Variants in CHRM3 observed in about 807,000 individuals in gnomAD.
CHRM3 encodes the protein muscarinic acetylcholine receptor M3.
In CHRM3, 11 loss-of-function variants were observed where a neutral mutation model predicts 41.8. That is an observed-to-expected ratio of 0.26 (90% CI 0.17 to 0.44). CHRM3 has a LOEUF of 0.44. CHRM3 is among the 20% of genes least tolerant of loss of function. The pLI, the probability that CHRM3 is intolerant of heterozygous loss-of-function variation, is 1.00. For missense variants in CHRM3, 571 were observed against 745.4 expected (o/e 0.77, Z 2.72); for synonymous variants, 297 against 301.4 (o/e 0.99, Z 0.15).
chr1:239,774,863 G>A (rs1439343937), intron 5 of CHRM3, among the ~76,000 whole-genome samples: 2 of 152,186 alleles, frequency 1.3e-5, no homozygotes, highest in African/African-American at 2.4e-5. Context: ...ACTCTGGAAT[G>A]TAGAGAGGGA....
intron 1 of CHRM3, among the ~76,000 whole-genome samples, chr1:239,443,559 G>A (rs537400535): frequency 5.9e-5 from 9 of 152,254 alleles, no homozygotes; most frequent in East Asian, 1.9e-4. Context: ...AGATTTTTCC[G>A]GCTGTTTAAG....
chr1:239,602,033 C>G (rs1007179462), intron 3 of CHRM3, among the ~76,000 whole-genome samples: 7 of 148,894 alleles, frequency 4.7e-5, no homozygotes, highest in Non-Finnish European at 7.5e-5. Flanking sequence ...TCTATATATA[C>G]ACATATATAC....
intron 1 of CHRM3, among the ~76,000 whole-genome samples, chr1:239,424,559 G>A (rs570010781): frequency 2.0e-5 from 3 of 152,180 alleles, no homozygotes; most frequent in Non-Finnish European, 2.9e-5. Context: ...AAACTAGTGG[G>A]AGAAATCAAC....
At chr1:239,672,450 A>G (rs927964997) in intron 4 of CHRM3, among the ~76,000 whole-genome samples, 5 of 152,184 alleles carry the variant, frequency 3.3e-5, no homozygotes, top group African/African-American at 1.2e-4. Flanking sequence ...TGCAAGTGAT[A>G]AACCTCACTG....
chr1:239,476,202 A>G (rs1011960062), intron 1 of CHRM3, among the ~76,000 whole-genome samples: 2 of 152,180 alleles, frequency 1.3e-5, no homozygotes, highest in Non-Finnish European at 2.9e-5. Context: ...ACGGTGGCTC[A>G]TGCCTGTAAT....
intron 2 of CHRM3, among the ~76,000 whole-genome samples, chr1:239,528,517 G>A (rs754801270): frequency 6.6e-5 from 10 of 152,292 alleles, no homozygotes; most frequent in East Asian, 3.9e-4. Flanking sequence ...ACTGAACAGC[G>A]TACCTGGTAA....
chr1:239,750,790 G>C (rs1440142379), intron 5 of CHRM3, among the ~76,000 whole-genome samples: 1 of 152,132 alleles, frequency 6.6e-6, no homozygotes, highest in East Asian at 1.9e-4. Context: ...TAGCATCATA[G>C]TCTCTATGTT....
intron 5 of CHRM3, among the ~76,000 whole-genome samples, chr1:239,715,503 A>G (rs1309471565): frequency 6.6e-6 from 1 of 152,146 alleles, no homozygotes; most frequent in Non-Finnish European, 1.5e-5. Flanking sequence ...TGCAGAAGGC[A>G]TTCAGAATAC....
chr1:239,640,898 C>T (rs1558409274), intron 4 of CHRM3, among the ~76,000 whole-genome samples: 1 of 148,690 alleles, frequency 6.7e-6, no homozygotes, highest in South Asian at 2.2e-4. Flanking sequence ...CTCTTGTGGG[C>T]ATTTAGTGCT....
rs926763494 is a variant in CHRM3 at position 239,699,130 on chromosome 1, A to C, written c.-147+20842A>C. 3.9e-5 allele frequency among the ~76,000 whole-genome samples: 6 copies of C among 151,966 alleles called. No individual in the cohort carries two copies. The East Asian group carries it at 1.2e-3, about 30-fold the overall frequency. On this transcript the variant is annotated intron_variant, in intron 5 of 6. Transcript: ENST00000676153. Reference sequence around the variant, plus strand: ...CTCACCATGATTTTAATAATATTGCATGTGTTGTTTCTGTATTCTTATTTC... The same window carrying C: ...CTCACCATGATTTTAATAATATTGCCTGTGTTGTTTCTGTATTCTTATTTC...
At position 239,816,907 on chromosome 1, in the gene CHRM3, A is replaced by G. The variant is rs141702725; in HGVS notation, c.-146-10345A>G. On this transcript the variant is annotated intron_variant, in intron 5 of 6. Coordinates refer to ENST00000676153, the MANE Select transcript of CHRM3 (RefSeq NM_001375978.1). Reference sequence around the variant, plus strand: ...CATTATGCCCAGCTAATTTTTTTATATTTTTAGTAGAGACAGGGTTTCACC... The same window carrying G: ...CATTATGCCCAGCTAATTTTTTTATGTTTTTAGTAGAGACAGGGTTTCACC... Among the ~76,000 whole-genome samples the G allele has an allele frequency of 6.8e-3, 1,035 of 151,696 alleles. 45 individuals are homozygous for G. In the East Asian group the frequency reaches 0.11, roughly 16 times the overall value.
At chr1:239,426,952 C>T (rs1039691598) in intron 1 of CHRM3, among the ~76,000 whole-genome samples, 3 of 151,736 alleles carry the variant, frequency 2.0e-5, no homozygotes, top group Non-Finnish European at 4.4e-5. Context: ...GTTGTCTGTT[C>T]TCTAAATACA....
At chr1:239,559,912 A>G (rs778319921) in intron 3 of CHRM3, among the ~76,000 whole-genome samples, 1 of 152,168 alleles carries the variant, frequency 6.6e-6, no homozygotes, top group African/African-American at 2.4e-5. Context: ...AATACATTGT[A>G]TGGCTATTGT....
At chr1:239,527,978 C>G (rs1403628719) in intron 2 of CHRM3, among the ~76,000 whole-genome samples, 1 of 151,968 alleles carries the variant, frequency 6.6e-6, no homozygotes, top group Non-Finnish European at 1.5e-5. Context: ...TTTATTTTTC[C>G]ATGTTTTGCA....
intron 6 of CHRM3, among the ~76,000 whole-genome samples, chr1:239,837,017 A>T (rs1277155622): frequency 6.6e-6 from 1 of 151,842 alleles, no homozygotes; most frequent in East Asian, 1.9e-4. Context: ...GGCAAGTATG[A>T]GGACTCTTTG....
intron 4 of CHRM3, among the ~76,000 whole-genome samples, chr1:239,656,293 C>G (rs1326315329): frequency 1.3e-5 from 2 of 151,086 alleles, no homozygotes; most frequent in Admixed American, 6.7e-5. Flanking sequence ...CGTGTACCCC[C>G]CACCAAATCT....
At chr1:239,582,639 G>A (rs918705817) in intron 3 of CHRM3, among the ~76,000 whole-genome samples, 8 of 151,964 alleles carry the variant, frequency 5.3e-5, no homozygotes, top group African/African-American at 1.9e-4. Context: ...AACTGAACAC[G>A]GTGTTTCCTC....
At chr1:239,875,322 C>G (rs1017822355) in intron 6 of CHRM3, among the ~76,000 whole-genome samples, 2 of 152,130 alleles carry the variant, frequency 1.3e-5, no homozygotes, top group Non-Finnish European at 2.9e-5. Context: ...TAGGCTTTGC[C>G]ATCGCAAGGT....
At chr1:239,812,677 A>C (rs1393098006) in intron 5 of CHRM3, among the ~76,000 whole-genome samples, 1 of 152,222 alleles carries the variant, frequency 6.6e-6, no homozygotes, top group Admixed American at 6.5e-5. Flanking sequence ...TGAGCAAACT[A>C]TCCATTTATC....
Sources: allele counts gnomAD v4.1 joint callset (sites outside exome capture counted in the v4.1 genomes callset), GRCh38; gene constraint gnomAD v4.1.1; transcripts MANE v1.5; gene names NCBI Gene and HGNC (gene_info 2026-07-23, HGNC 2026-07-21).